ABTB3: variants seen among roughly 807,000 people sequenced by gnomAD.
ABTB3 encodes ankyrin repeat- and BTB/POZ domain-containing protein 3.
the ABTB3 span, among the ~76,000 whole-genome samples, chr12:107,499,680 T>G: frequency 2.2e-5 from 3 of 137,874 alleles, no homozygotes; most frequent in East Asian, 5.9e-4. Flanking sequence ...TGCCAGACAC[T>G]TTTTCTTTTC....
At chr12:107,620,170 T>C in the ABTB3 span, 1 of 1,613,710 alleles carries the variant, frequency 6.2e-7, no homozygotes, top group Non-Finnish European at 8.5e-7. Context: ...GCAAGGTATG[T>C]GGGGTTTGAG....
chr12:107,588,187 C>T, the ABTB3 span, among the ~76,000 whole-genome samples: 1 of 152,178 alleles, frequency 6.6e-6, no homozygotes, highest in African/African-American at 2.4e-5. Flanking sequence ...CCGTAATAGC[C>T]TCATCTTAAC....
At chr12:107,334,618 G>T in the ABTB3 span, among the ~76,000 whole-genome samples, 1 of 152,162 alleles carries the variant, frequency 6.6e-6, no homozygotes, top group East Asian at 1.9e-4. Context: ...TCATTTAGGA[G>T]TATCTCGGAT....
At chr12:107,562,558 A>C in the ABTB3 span, among the ~76,000 whole-genome samples, 1 of 152,234 alleles carries the variant, frequency 6.6e-6, no homozygotes, top group Non-Finnish European at 1.5e-5. Flanking sequence ...AGATGAGTCC[A>C]AGGTGGGCAG....
chr12:107,474,600 G>A, the ABTB3 span, among the ~76,000 whole-genome samples: 4 of 152,132 alleles, frequency 2.6e-5, no homozygotes, highest in African/African-American at 4.8e-5. Context: ...GGCCACAAAG[G>A]GAAGGGGAGG....
the ABTB3 span, among the ~76,000 whole-genome samples, chr12:107,408,266 A>T: frequency 9.9e-5 from 15 of 152,232 alleles, no homozygotes; most frequent in African/African-American, 3.6e-4. Flanking sequence ...AGTGCTTTTT[A>T]AAAAGTTGAT....
chr12:107,489,866 G>A, the ABTB3 span, among the ~76,000 whole-genome samples: 4 of 151,832 alleles, frequency 2.6e-5, no homozygotes, highest in South Asian at 2.1e-4. Flanking sequence ...GGGCTCAAGC[G>A]ACCCTCAGCC....
At chr12:107,318,761 A>C in the ABTB3 span, 5,320 of 678,058 alleles carry the variant, frequency 7.8e-3, 29 homozygotes, top group Non-Finnish European at 9.7e-3. Flanking sequence ...TGCTCTGTAT[A>C]TTCCAGCGGC....
chr12:107,487,815 G>A, the ABTB3 span, among the ~76,000 whole-genome samples: 2 of 152,134 alleles, frequency 1.3e-5, no homozygotes, highest in African/African-American at 4.8e-5. Flanking sequence ...TGGAAAAAAA[G>A]TTAGCAAAAT....
At chr12:107,496,346 TA>T in the ABTB3 span, among the ~76,000 whole-genome samples, 1 of 152,144 alleles carries the variant, frequency 6.6e-6, no homozygotes, top group Admixed American at 6.5e-5. Context: ...ATCCCCCCTT[TA>T]AAAATTACAC....
chr12:107,525,865 C>G, the ABTB3 span, among the ~76,000 whole-genome samples: 3 of 152,188 alleles, frequency 2.0e-5, no homozygotes, highest in African/African-American at 7.2e-5. Context: ...GCTTTGAATA[C>G]CTTTAAGGTA....
the ABTB3 span, among the ~76,000 whole-genome samples, chr12:107,562,609 T>G: frequency 6.6e-6 from 1 of 152,252 alleles, no homozygotes; most frequent in Non-Finnish European, 1.5e-5. Context: ...CAAAGGGACC[T>G]GATTTCTATT....
chr12:107,355,551 C>T, the ABTB3 span, among the ~76,000 whole-genome samples: 1 of 152,172 alleles, frequency 6.6e-6, no homozygotes, highest in African/African-American at 2.4e-5. Context: ...CACCCTCATC[C>T]CCCACCCTGC....
the ABTB3 span, among the ~76,000 whole-genome samples, chr12:107,447,584 C>A: frequency 6.6e-6 from 1 of 152,200 alleles, no homozygotes; most frequent in Admixed American, 6.5e-5. Context: ...GAAACGTGTT[C>A]TTGCCTGCAA....
chr12:107,567,340 A>C, the ABTB3 span, among the ~76,000 whole-genome samples: 1 of 152,268 alleles, frequency 6.6e-6, no homozygotes, highest in Non-Finnish European at 1.5e-5. Context: ...GAAGAACTGA[A>C]GTACAGTCAT....
the ABTB3 span, among the ~76,000 whole-genome samples, chr12:107,608,405 G>A: frequency 2.0e-5 from 3 of 152,134 alleles, no homozygotes; most frequent in South Asian, 2.1e-4. Flanking sequence ...TAAGGACTAC[G>A]TCACAGGTCC....
the ABTB3 span, chr12:107,620,235 C>T: frequency 6.4e-7 from 1 of 1,556,958 alleles, no homozygotes; most frequent in Middle Eastern, 1.7e-4. Context: ...TCTGAACGGT[C>T]TTTTAGCCTG....
chr12:107,542,625 T>C, the ABTB3 span, among the ~76,000 whole-genome samples: 2 of 152,176 alleles, frequency 1.3e-5, no homozygotes, highest in African/African-American at 4.8e-5. Context: ...TGAACCCCTA[T>C]GCAGTCAAAA....
At chr12:107,497,842 C>A in the ABTB3 span, among the ~76,000 whole-genome samples, 1 of 152,316 alleles carries the variant, frequency 6.6e-6, no homozygotes, top group East Asian at 1.9e-4. Context: ...CTCATTCCCA[C>A]CTCAACTCTC....
Sources: allele counts gnomAD v4.1 joint callset (sites outside exome capture counted in the v4.1 genomes callset), GRCh38; gene constraint gnomAD v4.1.1; transcripts MANE v1.5; gene names NCBI Gene and HGNC (gene_info 2026-07-23, HGNC 2026-07-21).